Variants in KHDRBS2 observed in about 807,000 individuals in gnomAD.
KHDRBS2 encodes the protein KH domain-containing, RNA-binding, signal transduction-associated protein 2.
A neutral mutation model predicts 44.3 loss-of-function variants in KHDRBS2; 26 were observed. That is an observed-to-expected ratio of 0.59 (90% CI 0.43 to 0.81). The LOEUF is 0.81. KHDRBS2 is among the 40% of genes least tolerant of loss of function. The probability of loss-of-function intolerance (pLI) is 0.00; values close to 1 mark genes in which losing one functional copy is unlikely to be tolerated. For missense variants in KHDRBS2, 476 were observed against 433.1 expected (o/e 1.10, Z -0.88); for synonymous variants, 194 against 151.1 (o/e 1.28, Z -2.08).
intron 6 of KHDRBS2, among the ~76,000 whole-genome samples, chr6:61,821,269 G>T (rs1470873497): frequency 6.6e-6 from 1 of 151,892 alleles, no homozygotes; most frequent in Non-Finnish European, 1.5e-5. Flanking sequence ...ATAAAAACCT[G>T]GGTCCTACTA....
At chr6:61,900,793 GA>G (rs894171914) in intron 5 of KHDRBS2, among the ~76,000 whole-genome samples, 14 of 152,134 alleles carry the variant, frequency 9.2e-5, no homozygotes, top group African/African-American at 3.1e-4. Context: ...TTAAAGCACA[GA>G]AAAAGTTTAT....
At chr6:61,829,648 T>C (rs1169752849) in intron 6 of KHDRBS2, among the ~76,000 whole-genome samples, 3 of 152,184 alleles carry the variant, frequency 2.0e-5, no homozygotes, top group Non-Finnish European at 2.9e-5. Flanking sequence ...GATATTTATA[T>C]AGTCACATTA....
the KHDRBS2 span, among the ~76,000 whole-genome samples, chr6:61,620,624 C>T: frequency 6.6e-6 from 1 of 152,178 alleles, no homozygotes; most frequent in Non-Finnish European, 1.5e-5. Flanking sequence ...AGTTGTGACC[C>T]TTAGATCTTC....
At chr6:62,036,014 A>C (rs1283786191) in intron 3 of KHDRBS2, among the ~76,000 whole-genome samples, 1 of 151,994 alleles carries the variant, frequency 6.6e-6, no homozygotes, top group African/African-American at 2.4e-5. Flanking sequence ...TCCTAAAAAG[A>C]ATATTCCAGG....
At chr6:61,723,803 C>T (rs1179837618) in intron 7 of KHDRBS2, among the ~76,000 whole-genome samples, 6 of 152,094 alleles carry the variant, frequency 3.9e-5, no homozygotes, top group Non-Finnish European at 5.9e-5. Flanking sequence ...AACAATACCT[C>T]TGATTAATAT....
chr6:61,785,748 A>G (rs1403158967), intron 6 of KHDRBS2, among the ~76,000 whole-genome samples: 2 of 152,104 alleles, frequency 1.3e-5, no homozygotes, highest in African/African-American at 4.8e-5. Flanking sequence ...TTTAGAATAT[A>G]TTTTTTAAAA....
At position 61,749,174 on chromosome 6, in the gene KHDRBS2, G is replaced by A. The variant is rs1466123112; in HGVS notation, c.811-16410C>T. Among the ~76,000 whole-genome samples the A allele has an allele frequency of 6.6e-5, 10 of 151,538 alleles. No individual in the cohort carries two copies. In the East Asian group the frequency reaches 7.8e-4, roughly 12 times the overall value. On this transcript the variant is annotated intron_variant, in intron 6 of 8. Transcript: ENST00000281156. ...ACTACAGGCGCCCGCCACCATGCCC[G>A]GCTAATTTTTTTGTATTTTTAGTAG... is the stretch of plus-strand genomic sequence containing the variant.
intron 6 of KHDRBS2, among the ~76,000 whole-genome samples, chr6:61,752,507 T>G (rs918209066): frequency 2.0e-5 from 3 of 151,984 alleles, no homozygotes; most frequent in Non-Finnish European, 2.9e-5. Context: ...CAATTAGGTA[T>G]TCTATTCAAT....
the KHDRBS2 span, among the ~76,000 whole-genome samples, chr6:61,600,629 G>C: frequency 1.3e-5 from 2 of 152,060 alleles, no homozygotes; most frequent in Non-Finnish European, 2.9e-5. Context: ...ACATGGACGC[G>C]AGTGAAATTT....
At chr6:61,717,640 A>G (rs1167630020) in intron 7 of KHDRBS2, among the ~76,000 whole-genome samples, 1 of 152,128 alleles carries the variant, frequency 6.6e-6, no homozygotes, top group Non-Finnish European at 1.5e-5. Flanking sequence ...GCTTAATATT[A>G]TAACTTTTAT....
the KHDRBS2 span, among the ~76,000 whole-genome samples, chr6:61,551,835 G>C: frequency 4.1e-5 from 6 of 147,722 alleles, no homozygotes; most frequent in Non-Finnish European, 5.9e-5. Flanking sequence ...GGATTGCCTT[G>C]GTTACTCAGG....
the KHDRBS2 span, among the ~76,000 whole-genome samples, chr6:61,633,714 C>T: frequency 6.6e-6 from 1 of 151,856 alleles, no homozygotes; most frequent in African/African-American, 2.4e-5. Flanking sequence ...CACATGTTTG[C>T]CAAATATAAG....
intron 1 of KHDRBS2, among the ~76,000 whole-genome samples, chr6:62,224,792 C>T (rs1437945882): frequency 6.6e-6 from 1 of 152,156 alleles, no homozygotes; most frequent in African/African-American, 2.4e-5. Context: ...CTTTTATATG[C>T]TACTTGGTGA....
chr6:61,921,579 A>T (rs1295315895), intron 4 of KHDRBS2, among the ~76,000 whole-genome samples: 1 of 152,018 alleles, frequency 6.6e-6, no homozygotes, highest in South Asian at 2.1e-4. Flanking sequence ...AGAAGTTAAT[A>T]TTATCTTTTT....
At chr6:61,667,799 C>T in the KHDRBS2 span, among the ~76,000 whole-genome samples, 1 of 151,162 alleles carries the variant, frequency 6.6e-6, no homozygotes, top group Non-Finnish European at 1.5e-5. Flanking sequence ...GCATTATTTG[C>T]AGGGTGAAGT....
chr6:62,090,887 T>C (rs757841394), intron 2 of KHDRBS2, among the ~76,000 whole-genome samples: 1 of 152,208 alleles, frequency 6.6e-6, no homozygotes. Context: ...TTTTTGCAAG[T>C]GTCACAGGGA....
chr6:62,262,540 A>G (rs768354218), intron 1 of KHDRBS2, among the ~76,000 whole-genome samples: 2 of 151,798 alleles, frequency 1.3e-5, no homozygotes, highest in African/African-American at 4.8e-5. Context: ...ATAAAGTTGG[A>G]ACACTAAAAG....
chr6:61,681,186 T>C (rs1766251781), intron 8 of KHDRBS2, 126 bp from the exon 9 acceptor site: 1 of 645,426 alleles, frequency 1.5e-6, no homozygotes, highest in African/African-American at 1.8e-5. Flanking sequence ...CTAAAGCCTA[T>C]TTTTTCCACA....
At chr6:62,177,106 A>G in intron 2 of KHDRBS2, 79 bp downstream of exon 2, 5 of 856,310 alleles carry the variant, frequency 5.8e-6, no homozygotes, top group Non-Finnish European at 8.7e-6. Context: ...TTTATTTTAT[A>G]AAAGTGAATA....
Sources: allele counts gnomAD v4.1 joint callset (sites outside exome capture counted in the v4.1 genomes callset), GRCh38; gene constraint gnomAD v4.1.1; transcripts MANE v1.5; gene names NCBI Gene and HGNC (gene_info 2026-07-23, HGNC 2026-07-21).